Variants in ENTREP2 observed in about 807,000 individuals in gnomAD.
ENTREP2 encodes protein ENTREP2.
the ENTREP2 span, chr15:29,121,496 A>AGAC: frequency 6.6e-6 from 1 of 152,212 alleles, no homozygotes; most frequent in Non-Finnish European, 1.5e-5. Context: ...CGCACCTCAG[A>AGAC]GACAGTGGAG....
chr15:29,243,674 T>C, the ENTREP2 span, among the ~76,000 whole-genome samples: 1 of 152,178 alleles, frequency 6.6e-6, no homozygotes, highest in African/African-American at 2.4e-5. Context: ...CTCTAAAGAT[T>C]TGCTAAAATG....
At chr15:29,590,683 CAAAAAAAAAAAAA>C in the ENTREP2 span, among the ~76,000 whole-genome samples, 2 of 75,334 alleles carry the variant, frequency 2.7e-5, no homozygotes, top group Non-Finnish European at 4.8e-5. Context: ...GACTCCGTCT[CAAAAAAAAAAAAA>C]AAAAAAAAGA....
At chr15:29,665,195 G>A in the ENTREP2 span, among the ~76,000 whole-genome samples, 1 of 152,164 alleles carries the variant, frequency 6.6e-6, no homozygotes, top group African/African-American at 2.4e-5. Context: ...CTTCCTCTCT[G>A]CTAGTGCCCT....
At chr15:29,346,882 TTAAA>T in the ENTREP2 span, among the ~76,000 whole-genome samples, 2 of 152,234 alleles carry the variant, frequency 1.3e-5, no homozygotes, top group Non-Finnish European at 2.9e-5. Flanking sequence ...AAGTCACATC[TTAAA>T]TGAAAGCTCT....
chr15:29,344,050 T>C, the ENTREP2 span, among the ~76,000 whole-genome samples: 2 of 152,188 alleles, frequency 1.3e-5, no homozygotes, highest in Admixed American at 6.5e-5. Flanking sequence ...ACAAATCTGG[T>C]GTATCCTCCA....
At chr15:29,277,673 G>A in the ENTREP2 span, among the ~76,000 whole-genome samples, 5 of 152,158 alleles carry the variant, frequency 3.3e-5, no homozygotes, top group African/African-American at 9.7e-5. Flanking sequence ...AACAGGCCAC[G>A]AACTGGTACT....
chr15:29,570,583 C>T, the ENTREP2 span: 1 of 1,468,120 alleles, frequency 6.8e-7, no homozygotes, highest in East Asian at 3.0e-5. Flanking sequence ...AGCTGACTGC[C>T]ACGATGAGGC....
chr15:29,371,975 G>A, the ENTREP2 span, among the ~76,000 whole-genome samples: 10 of 151,994 alleles, frequency 6.6e-5, no homozygotes, highest in Admixed American at 3.9e-4. Context: ...AAGAATTAAT[G>A]GAAGAAATTT....
the ENTREP2 span, among the ~76,000 whole-genome samples, chr15:29,593,197 C>G: frequency 3.9e-5 from 6 of 152,198 alleles, no homozygotes; most frequent in African/African-American, 1.4e-4. Context: ...ACAACTATGT[C>G]ATATAACTAT....
chr15:29,396,905 A>G, the ENTREP2 span, among the ~76,000 whole-genome samples: 1 of 152,190 alleles, frequency 6.6e-6, no homozygotes, highest in Non-Finnish European at 1.5e-5. Context: ...CTGATGGGGG[A>G]AAAGGCTATT....
the ENTREP2 span, among the ~76,000 whole-genome samples, chr15:29,605,036 T>G: frequency 6.6e-6 from 1 of 152,194 alleles, no homozygotes; most frequent in African/African-American, 2.4e-5. Context: ...AATGTACAGA[T>G]AGATAACGTT....
At chr15:29,629,197 T>A in the ENTREP2 span, among the ~76,000 whole-genome samples, 3 of 152,212 alleles carry the variant, frequency 2.0e-5, no homozygotes, top group African/African-American at 7.2e-5. Context: ...AGTGAGTTTC[T>A]TAGGTGCATC....
chr15:29,555,471 C>T, the ENTREP2 span, among the ~76,000 whole-genome samples: 1 of 152,124 alleles, frequency 6.6e-6, no homozygotes, highest in Non-Finnish European at 1.5e-5. Flanking sequence ...AAGAATAAAG[C>T]CCTATAACAA....
At chr15:29,147,964 AAAGAATGAAATGTTG>A in the ENTREP2 span, among the ~76,000 whole-genome samples, 1 of 152,246 alleles carries the variant, frequency 6.6e-6, no homozygotes, top group Non-Finnish European at 1.5e-5. Flanking sequence ...GAGCCGTAAA[AAAGAATGAAATGTTG>A]GTACATGTAG....
chr15:29,562,474 G>A, the ENTREP2 span, among the ~76,000 whole-genome samples: 1 of 152,138 alleles, frequency 6.6e-6, no homozygotes, highest in Non-Finnish European at 1.5e-5. Context: ...TTTACCTTGA[G>A]AAAGACAATG....
At chr15:29,235,000 G>C in the ENTREP2 span, 20 of 1,355,042 alleles carry the variant, frequency 1.5e-5, no homozygotes, top group Non-Finnish European at 2.1e-5. Flanking sequence ...GCACATTTAG[G>C]GTTGCTTGAA....
At chr15:29,479,690 C>T in the ENTREP2 span, among the ~76,000 whole-genome samples, 11 of 43,268 alleles carry the variant, frequency 2.5e-4, no homozygotes, top group African/African-American at 1.1e-3. Context: ...TACATACACA[C>T]ACACACACAC....
chr15:29,337,108 G>A, the ENTREP2 span, among the ~76,000 whole-genome samples: 2 of 152,178 alleles, frequency 1.3e-5, no homozygotes, highest in Non-Finnish European at 2.9e-5. Context: ...TGTGTGGCAA[G>A]GAAAATTAAT....
At chr15:29,234,200 C>T in the ENTREP2 span, 176 of 1,607,426 alleles carry the variant, frequency 1.1e-4, 1 homozygote, top group African/African-American at 1.7e-3. Context: ...CCAATCACCA[C>T]GAAGGCTCAA....
Sources: gnomAD v4.1 joint callset for allele counts (sites outside exome capture counted in the v4.1 genomes callset) on GRCh38, gnomAD v4.1.1 for gene constraint, MANE v1.5 for transcripts, NCBI Gene and HGNC (gene_info 2026-07-23, HGNC 2026-07-21) for gene names.